Variants in SH3GL3 observed in about 807,000 individuals in gnomAD.
SH3GL3 encodes SH3 domain containing GRB2 like 3, endophilin A3.
A neutral mutation model predicts 47.7 loss-of-function variants in SH3GL3; 33 were observed. The ratio of observed to expected loss-of-function variants is 0.69; its 90% CI spans 0.52 to 0.92. The LOEUF is 0.92. Among genes scored for constraint, SH3GL3 ranks in the 40% least tolerant of loss-of-function variants. The pLI, the probability that SH3GL3 is intolerant of heterozygous loss-of-function variation, is 0.00. For synonymous variants in SH3GL3, 155 were observed against 148.8 expected (o/e 1.04, Z -0.30); for missense variants, 363 against 417.8 (o/e 0.87, Z 1.14).
At chr15:83,594,417 A>G (rs1410064601) in intron 8 of SH3GL3, among the ~76,000 whole-genome samples, 1 of 152,214 alleles carries the variant, frequency 6.6e-6, no homozygotes, top group Non-Finnish European at 1.5e-5. Flanking sequence ...GCATTCCCAT[A>G]TACTCCTCCA....
intron 8 of SH3GL3, among the ~76,000 whole-genome samples, chr15:83,606,648 T>C (rs1211541364): frequency 2.0e-5 from 3 of 152,180 alleles, no homozygotes; most frequent in South Asian, 4.1e-4. Context: ...GTCAGAGTTA[T>C]TGACAAGAGA....
chr15:83,629,247 C>CA, the SH3GL3 span, among the ~76,000 whole-genome samples: 1 of 152,130 alleles, frequency 6.6e-6, no homozygotes, highest in African/African-American at 2.4e-5. Flanking sequence ...TACAGAAATC[C>CA]AAAAGTCCTA....
intron 8 of SH3GL3, among the ~76,000 whole-genome samples, chr15:83,614,137 A>G (rs1214191779): frequency 6.6e-6 from 1 of 152,132 alleles, no homozygotes; most frequent in African/African-American, 2.4e-5. Flanking sequence ...GCCCACCCAT[A>G]TACACACTCC....
chr15:83,611,747 T>C (rs559386052), intron 8 of SH3GL3, among the ~76,000 whole-genome samples: 1 of 152,246 alleles, frequency 6.6e-6, no homozygotes, highest in African/African-American at 2.4e-5. Flanking sequence ...GGTGCTGGCT[T>C]CTGATGGTGG....
chr15:83,581,568 C>A (rs543434068), intron 6 of SH3GL3, among the ~76,000 whole-genome samples: 1 of 152,110 alleles, frequency 6.6e-6, no homozygotes, highest in East Asian at 1.9e-4. Flanking sequence ...TTGAGAAATC[C>A]GGAGCCCAGA....
At chr15:83,580,951 G>A (rs1020608280) in intron 6 of SH3GL3, among the ~76,000 whole-genome samples, 6 of 152,276 alleles carry the variant, frequency 3.9e-5, no homozygotes, top group Admixed American at 3.9e-4. Flanking sequence ...TGAATAAGCA[G>A]AGAAGCAAAT....
At chr15:83,547,612 AG>A (rs36011614) in intron 1 of SH3GL3, among the ~76,000 whole-genome samples, 11,907 of 152,150 alleles carry the variant, frequency 0.078, 509 homozygotes, top group Middle Eastern at 0.13. Context: ...GTGTTCCTGC[AG>A]GGGGGACGAT....
chr15:83,487,193 C>T (rs1045600320), intron 1 of SH3GL3, among the ~76,000 whole-genome samples: 6 of 136,204 alleles, frequency 4.4e-5, no homozygotes, highest in African/African-American at 1.5e-4. Flanking sequence ...AATTTTTAAC[C>T]GGTTTACCTG....
intron 6 of SH3GL3, among the ~76,000 whole-genome samples, chr15:83,577,661 G>A (rs1049916470): frequency 6.6e-6 from 1 of 152,088 alleles, no homozygotes; most frequent in African/African-American, 2.4e-5. Context: ...CAAAGTGCTG[G>A]GATTACAGGT....
At chr15:83,575,505 G>GT (rs2059650547) in intron 5 of SH3GL3, among the ~76,000 whole-genome samples, 1 of 152,228 alleles carries the variant, frequency 6.6e-6, no homozygotes, top group Non-Finnish European at 1.5e-5. Flanking sequence ...AGAGTCCAAG[G>GT]TTTAGGAAGC....
intron 1 of SH3GL3, among the ~76,000 whole-genome samples, chr15:83,553,480 C>T (rs2151728317): frequency 6.6e-6 from 1 of 152,190 alleles, no homozygotes; most frequent in Non-Finnish European, 1.5e-5. Flanking sequence ...TTTCTGTTTG[C>T]CATTCCTTCT....
chr15:83,551,068 A>G (rs1442002327), intron 1 of SH3GL3, among the ~76,000 whole-genome samples: 1 of 152,246 alleles, frequency 6.6e-6, no homozygotes, highest in Admixed American at 6.5e-5. Flanking sequence ...ATTCACCATT[A>G]AAAACCCAAC....
chr15:83,615,288 A>G (rs11633239), intron 8 of SH3GL3, among the ~76,000 whole-genome samples: 20,331 of 152,020 alleles, frequency 0.13, 1,524 homozygotes, highest in South Asian at 0.25. Flanking sequence ...ATGACTATGA[A>G]CTAGTTTTAC....
At chr15:83,548,482 G>T (rs1314625950) in intron 1 of SH3GL3, among the ~76,000 whole-genome samples, 1 of 151,692 alleles carries the variant, frequency 6.6e-6, no homozygotes, top group African/African-American at 2.4e-5. Context: ...TTCTTTTGGT[G>T]TTTGTCCGTT....
intron 1 of SH3GL3, among the ~76,000 whole-genome samples, chr15:83,474,866 T>C (rs2041022689): frequency 6.6e-6 from 1 of 152,094 alleles, no homozygotes; most frequent in African/African-American, 2.4e-5. Flanking sequence ...GATTTGACGA[T>C]GCTGGGTGGG....
chr15:83,567,128 T>G (rs536257718), intron 3 of SH3GL3, among the ~76,000 whole-genome samples: 5 of 152,312 alleles, frequency 3.3e-5, no homozygotes, highest in Non-Finnish European at 5.9e-5. Flanking sequence ...GGTGTTCAAT[T>G]CATAGTCACA....
At chr15:83,483,818 C>T (rs1170352766) in intron 1 of SH3GL3, among the ~76,000 whole-genome samples, 1 of 152,222 alleles carries the variant, frequency 6.6e-6, no homozygotes, top group Non-Finnish European at 1.5e-5. Flanking sequence ...CCAGTGAGAT[C>T]AATCCATCCT....
intron 1 of SH3GL3, among the ~76,000 whole-genome samples, chr15:83,478,973 A>G (rs2041219259): frequency 6.6e-6 from 1 of 152,248 alleles, no homozygotes; most frequent in African/African-American, 2.4e-5. Flanking sequence ...GCCTTTAGAA[A>G]TGTCCTCTTT....
intron 1 of SH3GL3, among the ~76,000 whole-genome samples, chr15:83,527,132 A>G (rs2043459957): frequency 6.6e-6 from 1 of 152,176 alleles, no homozygotes; most frequent in African/African-American, 2.4e-5. Flanking sequence ...TTTTCTAAAT[A>G]TAAGATTTTG....
Sources: gnomAD v4.1 joint callset for allele counts (sites outside exome capture counted in the v4.1 genomes callset) on GRCh38, gnomAD v4.1.1 for gene constraint, MANE v1.5 for transcripts, NCBI Gene and HGNC (gene_info 2026-07-23, HGNC 2026-07-21) for gene names.